Variants in RAB7A observed in about 807,000 individuals in gnomAD.
RAB7A encodes the protein RAB7A, member RAS oncogene family, also known as ras-related protein Rab-7a.
In RAB7A, 2 loss-of-function variants were observed where a neutral mutation model predicts 24.5. The ratio of observed to expected loss-of-function variants is 0.08; its 90% CI spans 0.03 to 0.26. The LOEUF is 0.26. Among genes scored for constraint, RAB7A ranks in the 10% least tolerant of loss-of-function variants. RAB7A has a pLI of 1.00. For missense variants in RAB7A, 118 were observed against 255.7 expected, an observed-to-expected ratio of 0.46 and a Z score of 3.67; for synonymous variants, 100 against 95.9, an observed-to-expected ratio of 1.04 and a Z score of -0.25.
chr3:128,795,142 G>T lies in RAB7A; in HGVS notation c.-8-218G>T, dbSNP rs373560180. 269 of 592,102 alleles carry T rather than the reference G, an allele frequency of 4.5e-4. 4 individuals are homozygous for T. The East Asian group carries it at 7.1e-3, about 16-fold the overall frequency. 36.7% of individuals were successfully genotyped at this position (592,102 alleles called of 1,614,324 possible). On this transcript the variant is annotated intron_variant, in intron 1 of 5. Transcript: ENST00000265062. ...ACATTCTCTCCAACAGCTTGCAGGGGCAGGATGGCCCTGCTGTGCTGTTCT... is the reference window on the plus strand; with the variant it reads ...ACATTCTCTCCAACAGCTTGCAGGGTCAGGATGGCCCTGCTGTGCTGTTCT...
At chr3:128,770,886 A>C (rs976612126) in intron 1 of RAB7A, among the ~76,000 whole-genome samples, 1 of 151,960 alleles carries the variant, frequency 6.6e-6, no homozygotes. Flanking sequence ...TCCATAAAGC[A>C]TTTGGGAACT....
intron 1 of RAB7A, chr3:128,748,537 C>T (rs186058063): frequency 1.3e-5 from 2 of 152,342 alleles, no homozygotes; most frequent in Admixed American, 1.3e-4. Context: ...CTCCAGTTTC[C>T]TATACACCAG....
chr3:128,779,929 A>G (rs548866164), intron 1 of RAB7A, among the ~76,000 whole-genome samples: 1 of 152,272 alleles, frequency 6.6e-6, no homozygotes, highest in East Asian at 1.9e-4. Flanking sequence ...CCATTTCCCT[A>G]GGGAGTTTGG....
intron 1 of RAB7A, among the ~76,000 whole-genome samples, chr3:128,768,600 G>T (rs879261495): frequency 3.3e-5 from 5 of 151,862 alleles, no homozygotes; most frequent in African/African-American, 4.8e-5. Flanking sequence ...ATTCTGTTGC[G>T]CAGGCTGGAG....
At chr3:128,752,107 A>G (rs1278688319) in intron 1 of RAB7A, among the ~76,000 whole-genome samples, 3 of 141,786 alleles carry the variant, frequency 2.1e-5, no homozygotes, top group East Asian at 2.0e-4. Flanking sequence ...TATCATCAGC[A>G]TGAAAACAGA....
intron 3 of RAB7A, among the ~76,000 whole-genome samples, chr3:128,806,084 C>A (rs1933796948): frequency 6.6e-6 from 1 of 152,172 alleles, no homozygotes. Context: ...AAATTTTACA[C>A]ACTTACCTAC....
intron 1 of RAB7A, among the ~76,000 whole-genome samples, chr3:128,767,319 C>T (rs566552058): frequency 1.3e-4 from 20 of 152,264 alleles, no homozygotes; most frequent in Non-Finnish European, 2.6e-4. Flanking sequence ...CTGTAGCAAG[C>T]AAACACATAG....
intron 1 of RAB7A, among the ~76,000 whole-genome samples, chr3:128,726,734 C>T (rs138528413): frequency 0.012 from 1,812 of 152,286 alleles, 32 homozygotes; most frequent in African/African-American, 0.039. Flanking sequence ...TGTCAGAGCC[C>T]ACGCCGCCCG....
At chr3:128,804,762 G>GA (rs1231602763) in intron 3 of RAB7A, among the ~76,000 whole-genome samples, 1 of 152,122 alleles carries the variant, frequency 6.6e-6, no homozygotes, top group Non-Finnish European at 1.5e-5. Flanking sequence ...GAGTCTATCT[G>GA]AAAAAAGCCA....
chr3:128,795,853 G>A (rs1576299041), intron 2 of RAB7A, among the ~76,000 whole-genome samples: 1 of 144,768 alleles, frequency 6.9e-6, no homozygotes, highest in Non-Finnish European at 1.5e-5. Context: ...CCGGATTCAC[G>A]CCATTCTCCT....
chr3:128,730,842 C>T (rs1559777169), intron 1 of RAB7A, among the ~76,000 whole-genome samples: 1 of 152,144 alleles, frequency 6.6e-6, no homozygotes, highest in Non-Finnish European at 1.5e-5. Flanking sequence ...GATGGCATCA[C>T]TGCTGAGAAA....
chr3:128,739,634 T>C (rs1228064761), intron 1 of RAB7A, among the ~76,000 whole-genome samples: 1 of 152,252 alleles, frequency 6.6e-6, no homozygotes, highest in African/African-American at 2.4e-5. Context: ...TACATACTCT[T>C]CTGCTATTAG....
At chr3:128,741,347 C>G (rs949068439) in intron 1 of RAB7A, among the ~76,000 whole-genome samples, 4 of 152,090 alleles carry the variant, frequency 2.6e-5, no homozygotes, top group African/African-American at 9.7e-5. Flanking sequence ...TATGCTTAGG[C>G]CTTTCCCACC....
intron 1 of RAB7A, among the ~76,000 whole-genome samples, chr3:128,762,220 TC>T (rs909626326): frequency 1.3e-5 from 2 of 152,182 alleles, no homozygotes; most frequent in African/African-American, 4.8e-5. Flanking sequence ...GTCAGTTTGT[TC>T]TAGGCTACAG....
At position 128,739,236 on chromosome 3, in the gene RAB7A, G is replaced by A. The variant is rs986118129; in HGVS notation, c.-9+12877G>A. On this transcript the variant is annotated intron_variant, in intron 1 of 5. Transcript: ENST00000265062. The stretch of plus-strand genomic sequence containing the variant: ...ATAAAAGTCTTAAAGCGGGCCGGGA[G>A]TGGTGGCTCACGCCTGTAATCTCAG... Among the ~76,000 whole-genome samples, 6 of 152,332 alleles carry A rather than the reference G, an allele frequency of 3.9e-5. No individual in the cohort carries two copies. The South Asian group carries it at 1.0e-3, about 26-fold the overall frequency.
intron 1 of RAB7A, among the ~76,000 whole-genome samples, chr3:128,758,234 G>A (rs1011812853): frequency 6.6e-6 from 1 of 151,176 alleles, no homozygotes; most frequent in Non-Finnish European, 1.5e-5. Context: ...AAATTGCTGG[G>A]GTTACAGGTG....
In RAB7A at chr3:128,762,483, C is replaced by G. The variant is rs905488134; in HGVS notation, c.-8-32877C>G. On this transcript the variant is annotated intron_variant, in intron 1 of 5. Coordinates refer to ENST00000265062, the MANE Select transcript of RAB7A (RefSeq NM_004637.6). ...TAACCTCCTCAAGTCTTATCACCCC[C>G]CTACTTCCCACCGTGACCCTCAAAA... is the stretch of plus-strand genomic sequence containing the variant. Among the ~76,000 whole-genome samples the G allele has an allele frequency of 5.9e-5, 9 of 152,262 alleles. No homozygotes were observed. In the South Asian group the frequency reaches 8.3e-4, roughly 14 times the overall value.
rs878874843 is a variant in RAB7A at position 128,814,754 on chromosome 3, A to G, written c.*1332A>G. The G allele has an allele frequency of 1.3e-5, 2 of 152,662 alleles. No individual in the cohort carries two copies. Among genetic ancestry groups the G allele is most frequent in the Non-Finnish European group, 2.9e-5 (2 of 68,054 alleles). 9.5% of individuals were successfully genotyped at this position (152,662 alleles called of 1,614,324 possible). A position where few individuals can be genotyped will look rare whatever the true frequency, so the allele number is the denominator to read the frequency against. ...TAGGGTGTGGGCTGAGTTCTTCTGTAAAGAGATGAACGCAATGCCAATAAA... is the reference window on the plus strand; with the variant it reads ...TAGGGTGTGGGCTGAGTTCTTCTGTGAAGAGATGAACGCAATGCCAATAAA... On this transcript the variant is annotated 3_prime_UTR_variant, in exon 6 of 6. Coordinates refer to ENST00000265062, the MANE Select transcript of RAB7A (RefSeq NM_004637.6).
At chr3:128,729,612 TAAC>T (rs1442260951) in intron 1 of RAB7A, among the ~76,000 whole-genome samples, 2 of 149,570 alleles carry the variant, frequency 1.3e-5, no homozygotes, top group African/African-American at 4.9e-5. Flanking sequence ...TCTTCACTAA[TAAC>T]GTTTTTGCTC....
Sources: gnomAD v4.1 joint callset for allele counts (sites outside exome capture counted in the v4.1 genomes callset) on GRCh38, gnomAD v4.1.1 for gene constraint, MANE v1.5 for transcripts, NCBI Gene and HGNC (gene_info 2026-07-23, HGNC 2026-07-21) for gene names.